The following NXPE4 variants were observed in gnomAD, a reference collection of about 807,000 sequenced individuals.
NXPE4 encodes NXPE family member 4.
Under a neutral mutation model 33.3 loss-of-function variants are expected in NXPE4, and 42 were observed. The observed-to-expected ratio is 1.26, with a 90% CI of 0.98 to 1.63. The LOEUF is 1.63. Among genes scored for constraint, NXPE4 ranks in the 40% most tolerant of loss-of-function variants. The probability of loss-of-function intolerance (pLI) is 0.00; values close to 1 mark genes in which losing one functional copy is unlikely to be tolerated. For missense variants in NXPE4, 709 were observed against 647.6 expected (o/e 1.09, Z -1.03); for synonymous variants, 253 against 234.9 (o/e 1.08, Z -0.71).
the NXPE4 span, among the ~76,000 whole-genome samples, chr11:114,624,189 C>T: frequency 4.6e-5 from 7 of 152,058 alleles, no homozygotes; most frequent in East Asian, 1.3e-3. Flanking sequence ...ATAACTATTG[C>T]CTCTAGGGTA....
Position 114,576,271 on chromosome 11 carries a change from C to T in NXPE4, c.1099+3861G>A, listed in dbSNP as rs575914721. 1.3e-4 allele frequency among the ~76,000 whole-genome samples: 20 copies of T among 152,056 alleles called. No homozygotes were observed. In the South Asian group the frequency reaches 3.9e-3, roughly 30 times the overall value. On this transcript the variant is annotated intron_variant, in intron 5 of 5. Coordinates refer to ENST00000375478, the MANE Select transcript of NXPE4 (RefSeq NM_001077639.2). The stretch of plus-strand genomic sequence containing the variant: ...TTCTAGAAGATAACATTAGAAAAAC[C>T]CTTCTAGACACTGGCTTAGGCAAAA...
At chr11:114,638,544 C>T in the NXPE4 span, among the ~76,000 whole-genome samples, 1 of 152,014 alleles carries the variant, frequency 6.6e-6, no homozygotes, top group African/African-American at 2.4e-5. Flanking sequence ...AGGTGCTCTG[C>T]TTTTTAGAGT....
intron 2 of NXPE4, among the ~76,000 whole-genome samples, chr11:114,591,378 CA>C (rs1176395198): frequency 6.6e-6 from 1 of 152,162 alleles, no homozygotes; most frequent in Non-Finnish European, 1.5e-5. Context: ...AGGAAATTAA[CA>C]GGTTATTATC....
chr11:114,598,738 G>A (rs1949606369), upstream of NXPE4, among the ~76,000 whole-genome samples: 1 of 152,130 alleles, frequency 6.6e-6, no homozygotes, highest in African/African-American at 2.4e-5. Flanking sequence ...CAGGGTGACA[G>A]GGCCCCGGGC....
At chr11:114,639,241 G>A in the NXPE4 span, among the ~76,000 whole-genome samples, 3 of 152,028 alleles carry the variant, frequency 2.0e-5, no homozygotes, top group African/African-American at 4.8e-5. Flanking sequence ...AGCAATCAGC[G>A]AGACTCTGTG....
the NXPE4 span, among the ~76,000 whole-genome samples, chr11:114,649,152 G>A: frequency 0.011 from 1,702 of 150,466 alleles, 40 homozygotes; most frequent in African/African-American, 0.038. Context: ...TTTAACTGGT[G>A]GGGTGACCCA....
chr11:114,601,180 G>A, the NXPE4 span, among the ~76,000 whole-genome samples: 1 of 151,408 alleles, frequency 6.6e-6, no homozygotes, highest in Non-Finnish European at 1.5e-5. Flanking sequence ...GAGTTTTAGT[G>A]TACCTGTCAC....
chr11:114,673,595 A>G, the NXPE4 span, among the ~76,000 whole-genome samples: 1 of 151,910 alleles, frequency 6.6e-6, no homozygotes. Flanking sequence ...TCAGAATAAA[A>G]GAGAAAACTC....
chr11:114,604,751 G>T, the NXPE4 span, among the ~76,000 whole-genome samples: 4 of 151,894 alleles, frequency 2.6e-5, no homozygotes, highest in Non-Finnish European at 5.9e-5. Context: ...AATAAGTATT[G>T]CCTCATTGGT....
the NXPE4 span, among the ~76,000 whole-genome samples, chr11:114,645,570 A>G: frequency 2.0e-5 from 3 of 152,192 alleles, no homozygotes; most frequent in African/African-American, 7.2e-5. Flanking sequence ...GCAATAAAAG[A>G]TACCCTAAAC....
At chr11:114,581,071 G>A (rs1468994313) in intron 4 of NXPE4, among the ~76,000 whole-genome samples, 1 of 152,172 alleles carries the variant, frequency 6.6e-6, no homozygotes, top group East Asian at 1.9e-4. Context: ...TTACACTTCA[G>A]TGTAAATAGG....
intron 2 of NXPE4, chr11:114,584,058 G>A: frequency 3.2e-6 from 1 of 316,484 alleles, no homozygotes; most frequent in Non-Finnish European, 6.2e-6. Context: ...TTGTCTAGGG[G>A]TCACTTAGAT....
At chr11:114,637,486 G>A in the NXPE4 span, among the ~76,000 whole-genome samples, 1 of 151,586 alleles carries the variant, frequency 6.6e-6, no homozygotes, top group African/African-American at 2.4e-5. Context: ...ATTGTTATGT[G>A]TGAATTTGAT....
At chr11:114,662,574 G>T in the NXPE4 span, among the ~76,000 whole-genome samples, 1 of 152,138 alleles carries the variant, frequency 6.6e-6, no homozygotes, top group Non-Finnish European at 1.5e-5. Context: ...CGGTGGCTAA[G>T]GGAGTGCTGG....
chr11:114,572,568 A>G (rs1440478618), intron 5 of NXPE4, among the ~76,000 whole-genome samples: 1 of 152,190 alleles, frequency 6.6e-6, no homozygotes, highest in Non-Finnish European at 1.5e-5. Flanking sequence ...GAAATGCAAA[A>G]TGCACTGGAA....
chr11:114,612,225 T>C, the NXPE4 span, among the ~76,000 whole-genome samples: 3 of 150,522 alleles, frequency 2.0e-5, no homozygotes, highest in Non-Finnish European at 4.4e-5. Flanking sequence ...GTTGCCTCTA[T>C]GGTAACCACT....
the NXPE4 span, among the ~76,000 whole-genome samples, chr11:114,661,105 A>T: frequency 6.6e-6 from 1 of 152,206 alleles, no homozygotes; most frequent in Non-Finnish European, 1.5e-5. Flanking sequence ...GAAAGAAATC[A>T]AAGAAGACAT....
chr11:114,633,516 GGTTA>G, the NXPE4 span, among the ~76,000 whole-genome samples: 1 of 150,808 alleles, frequency 6.6e-6, no homozygotes, highest in Non-Finnish European at 1.5e-5. Flanking sequence ...ACAATGTGCA[GGTTA>G]GTTATCCATA....
the NXPE4 span, among the ~76,000 whole-genome samples, chr11:114,633,713 C>T: frequency 1.3e-5 from 2 of 149,462 alleles, no homozygotes; most frequent in East Asian, 2.0e-4. Flanking sequence ...GAACATGTGG[C>T]GTTTGGTTTT....
Sources: gnomAD v4.1 joint callset for allele counts (sites outside exome capture counted in the v4.1 genomes callset) on GRCh38, gnomAD v4.1.1 for gene constraint, MANE v1.5 for transcripts, NCBI Gene and HGNC (gene_info 2026-07-23, HGNC 2026-07-21) for gene names.